DLG2: variants seen among roughly 807,000 people sequenced by gnomAD.
DLG2 encodes discs large MAGUK scaffold protein 2.
DLG2 carries 45 observed loss-of-function variants against 132.5 expected under a neutral mutation model. The observed-to-expected ratio is 0.34, with a 90% CI of 0.27 to 0.44. The LOEUF (loss-of-function observed/expected upper bound fraction) is 0.44. Ranked by LOEUF, DLG2 falls within the 20% of genes least tolerant of loss-of-function variation. The pLI, the probability that DLG2 is intolerant of heterozygous loss-of-function variation, is 1.00. For synonymous variants in DLG2, 424 were observed against 419.6 expected, an observed-to-expected ratio of 1.01 and a Z score of -0.13; for missense variants, 1,045 against 1,196.9, an observed-to-expected ratio of 0.87 and a Z score of 1.87.
At chr11:83,601,510 C>CTTTTTTTTTTTTTTTTTTTTTTTT (rs71066054) in intron 19 of DLG2, among the ~76,000 whole-genome samples, 1 of 94,538 alleles carries the variant, frequency 1.1e-5, no homozygotes, top group Non-Finnish European at 1.9e-5. Context: ...ATGTGATGTT[C>CTTTTTTTTTTTTTTTTTTTTTTTT]TTTTTTTTTT....
chr11:84,366,608 T>C (rs2098684103), intron 7 of DLG2, among the ~76,000 whole-genome samples: 1 of 151,810 alleles, frequency 6.6e-6, no homozygotes, highest in Non-Finnish European at 1.5e-5. Flanking sequence ...AATAAAAGGA[T>C]GGAGGAAGAT....
intron 19 of DLG2, among the ~76,000 whole-genome samples, chr11:83,561,256 C>T (rs1301628992): frequency 6.6e-6 from 1 of 152,196 alleles, no homozygotes; most frequent in Non-Finnish European, 1.5e-5. Flanking sequence ...GGACATAGAG[C>T]CAAACCATAT....
chr11:85,027,316 T>C (rs1271641489), intron 6 of DLG2, among the ~76,000 whole-genome samples: 3 of 151,220 alleles, frequency 2.0e-5, no homozygotes, highest in Non-Finnish European at 2.9e-5. Context: ...TGTCTGGAGG[T>C]TGGGTTATTC....
intron 18 of DLG2, among the ~76,000 whole-genome samples, chr11:83,756,917 T>C (rs1313029858): frequency 2.0e-5 from 3 of 152,218 alleles, no homozygotes; most frequent in Non-Finnish European, 4.4e-5. Context: ...ATGTGTCACA[T>C]TGTGTCTTAG....
intron 4 of DLG2, among the ~76,000 whole-genome samples, chr11:85,194,203 T>G (rs1272545148): frequency 1.3e-5 from 2 of 152,184 alleles, no homozygotes; most frequent in Admixed American, 1.3e-4. Flanking sequence ...AAGACTCTCA[T>G]GTTGGAGAAC....
chr11:84,130,058 C>G (rs2154215660), intron 9 of DLG2, among the ~76,000 whole-genome samples: 1 of 151,878 alleles, frequency 6.6e-6, no homozygotes, highest in Non-Finnish European at 1.5e-5. Flanking sequence ...AAAGCTATTC[C>G]CTAACTTTAT....
chr11:85,185,389 T>C (rs1050609756), intron 4 of DLG2, among the ~76,000 whole-genome samples: 1 of 152,012 alleles, frequency 6.6e-6, no homozygotes, highest in Non-Finnish European at 1.5e-5. Flanking sequence ...TATAATAAAT[T>C]TGGATATTTA....
chr11:83,532,410 T>C (rs1382103523), intron 21 of DLG2, among the ~76,000 whole-genome samples: 1 of 152,090 alleles, frequency 6.6e-6, no homozygotes, highest in Non-Finnish European at 1.5e-5. Flanking sequence ...AGGAAAAAAC[T>C]TAAAGAAACA....
intron 10 of DLG2, among the ~76,000 whole-genome samples, chr11:84,090,777 T>C (rs2097079043): frequency 6.6e-6 from 1 of 152,198 alleles, no homozygotes; most frequent in Admixed American, 6.5e-5. Flanking sequence ...AAATATATAC[T>C]AAGGAAATAA....
chr11:85,513,615 C>T (rs1297939714), intron 3 of DLG2, among the ~76,000 whole-genome samples: 3 of 151,930 alleles, frequency 2.0e-5, no homozygotes, highest in Admixed American at 2.0e-4. Flanking sequence ...CATTTAATCA[C>T]CAGCAAGGTA....
chr11:84,980,067 A>G (rs2154119089), intron 6 of DLG2, among the ~76,000 whole-genome samples: 1 of 152,308 alleles, frequency 6.6e-6, no homozygotes, highest in East Asian at 1.9e-4. Context: ...TTCAAAATGC[A>G]AAAAGATACA....
chr11:84,097,878 T>C (rs2097187309), intron 10 of DLG2, among the ~76,000 whole-genome samples: 1 of 152,048 alleles, frequency 6.6e-6, no homozygotes, highest in South Asian at 2.1e-4. Context: ...AAGGTTTTGA[T>C]CCCATAGCAT....
Position 85,026,967 on chromosome 11 carries a change from A to G in DLG2, c.357+84694T>C, listed in dbSNP as rs188601544. On this transcript the variant is annotated intron_variant, in intron 6 of 27. Coordinates refer to ENST00000376104, the MANE Select transcript of DLG2 (RefSeq NM_001142699.3). ...AGAGCTGTAAGTCTAAGGATGACCAATACAATACCGTTTCTAATAACAAAG... is the reference window on the plus strand; with the variant it reads ...AGAGCTGTAAGTCTAAGGATGACCAGTACAATACCGTTTCTAATAACAAAG... 7.0e-4 allele frequency among the ~76,000 whole-genome samples: 107 copies of G among 151,780 alleles called. 2 individuals are homozygous for G. The East Asian group carries it at 0.018, about 25-fold the overall frequency.
At chr11:83,935,999 C>A (rs556751628) in intron 14 of DLG2, among the ~76,000 whole-genome samples, 1 of 152,278 alleles carries the variant, frequency 6.6e-6, no homozygotes, top group African/African-American at 2.4e-5. Context: ...TTACTCAGAG[C>A]TCACCAAAAA....
intron 3 of DLG2, among the ~76,000 whole-genome samples, chr11:85,409,695 T>G (rs1047968634): frequency 6.6e-6 from 1 of 151,478 alleles, no homozygotes; most frequent in Non-Finnish European, 1.5e-5. Flanking sequence ...TCTGGGGGGG[T>G]GGAGAAATAC....
intron 7 of DLG2, among the ~76,000 whole-genome samples, chr11:84,256,062 G>C (rs770587402): frequency 3.3e-5 from 5 of 151,902 alleles, no homozygotes; most frequent in Non-Finnish European, 7.4e-5. Context: ...CTATCCTTGG[G>C]CTTCATGTGA....
chr11:85,285,326 T>C lies in DLG2; in HGVS notation c.80A>G (p.Gln27Arg), dbSNP rs769732275. 1 of 1,611,866 alleles carries C rather than the reference T, an allele frequency of 6.2e-7. No homozygotes were observed. The highest frequency in any genetic ancestry group is 2.2e-5 in the East Asian group (1 of 44,798). The change falls in exon 4 of 28, where the codon CAA (glutamine) becomes CGA (arginine). Residue 27 changes from glutamine (Q) to arginine (R), a missense_variant. Transcript: ENST00000376104. ...TTCTATCTTCTGCTCACAACTTTTT[T>C]GAGAATTTAGCAATGTCACCTCATA... ...EFYEVTLLNS[Q>R]KSCEQKIEEA...
At chr11:85,311,430 G>A (rs1427915011) in intron 3 of DLG2, among the ~76,000 whole-genome samples, 1 of 152,116 alleles carries the variant, frequency 6.6e-6, no homozygotes, top group Admixed American at 6.6e-5. Context: ...CCTATAGTAA[G>A]TGGTGAAGCC....
intron 6 of DLG2, among the ~76,000 whole-genome samples, chr11:84,657,709 C>G (rs1344544373): frequency 6.6e-6 from 1 of 152,184 alleles, no homozygotes. Context: ...CAGTAATACT[C>G]AGTCACCTGC....
Sources: gnomAD v4.1 joint callset for allele counts (sites outside exome capture counted in the v4.1 genomes callset) on GRCh38, gnomAD v4.1.1 for gene constraint, MANE v1.5 for transcripts, NCBI Gene and HGNC (gene_info 2026-07-23, HGNC 2026-07-21) for gene names.